The following CALD1 variants were observed in gnomAD, a reference collection of about 807,000 sequenced individuals.
The protein encoded by CALD1 is caldesmon 1.
Under a neutral mutation model 99.9 loss-of-function variants are expected in CALD1, and 33 were observed. That is an observed-to-expected ratio of 0.33 (90% CI 0.25 to 0.44). The LOEUF (loss-of-function observed/expected upper bound fraction) is 0.44, where lower values mean the gene tolerates loss of function less well. Ranked by LOEUF, CALD1 falls within the 20% of genes least tolerant of loss-of-function variation. The pLI, the probability that CALD1 is intolerant of heterozygous loss-of-function variation, is 1.00. For synonymous variants in CALD1, 310 were observed against 325.0 expected, an observed-to-expected ratio of 0.95 and a Z score of 0.50; for missense variants, 861 against 962.1, an observed-to-expected ratio of 0.89 and a Z score of 1.39.
chr7:134,950,998 A>C (rs1176565398), intron 9 of CALD1, among the ~76,000 whole-genome samples: 1 of 152,208 alleles, frequency 6.6e-6, no homozygotes, highest in Non-Finnish European at 1.5e-5. Flanking sequence ...GGAAAGTCAA[A>C]GATCAAGGTG....
intron 1 of CALD1, among the ~76,000 whole-genome samples, chr7:134,797,234 C>G (rs976938969): frequency 2.6e-5 from 4 of 152,184 alleles, no homozygotes; most frequent in Admixed American, 1.3e-4. Context: ...ATCCTCCCAC[C>G]TTGGCCTCCC....
At chr7:134,714,959 C>A in the CALD1 span, among the ~76,000 whole-genome samples, 1 of 152,180 alleles carries the variant, frequency 6.6e-6, no homozygotes, top group African/African-American at 2.4e-5. Flanking sequence ...CTGCCAGTCT[C>A]CTACCTCAAT....
intron 4 of CALD1, among the ~76,000 whole-genome samples, chr7:134,931,515 T>C (rs1215679144): frequency 1.3e-5 from 2 of 152,258 alleles, no homozygotes; most frequent in African/African-American, 4.8e-5. Flanking sequence ...GCCATTTTCA[T>C]TGTTAAATAT....
intron 7 of CALD1, 123 bp from the exon 8 acceptor site, chr7:134,947,385 G>T: frequency 1.0e-6 from 1 of 986,246 alleles, no homozygotes; most frequent in Non-Finnish European, 1.5e-6. Flanking sequence ...CCTACCCCCT[G>T]GGCTAATGAG....
At chr7:134,877,196 G>T (rs1801392308) in intron 3 of CALD1, among the ~76,000 whole-genome samples, 1 of 152,176 alleles carries the variant, frequency 6.6e-6, no homozygotes, top group African/African-American at 2.4e-5. Context: ...CCTCTCTGGG[G>T]TCACCTCAGA....
intron 6 of CALD1, among the ~76,000 whole-genome samples, chr7:134,939,143 T>G (rs1042795362): frequency 6.6e-6 from 1 of 152,184 alleles, no homozygotes; most frequent in African/African-American, 2.4e-5. Flanking sequence ...AATGAGAATA[T>G]ATTTTGTTTC....
intron 7 of CALD1, among the ~76,000 whole-genome samples, chr7:134,945,027 T>C (rs1806749597): frequency 6.6e-6 from 1 of 152,214 alleles, no homozygotes; most frequent in South Asian, 2.1e-4. Context: ...TTCATCTTTT[T>C]ATAGTTGTGT....
intron 3 of CALD1, among the ~76,000 whole-genome samples, chr7:134,883,074 T>TA (rs2132439873): frequency 6.6e-6 from 1 of 152,310 alleles, no homozygotes; most frequent in East Asian, 1.9e-4. Context: ...AAAATAAAGT[T>TA]AGTGAACTGG....
chr7:134,852,320 G>A (rs1338060690), intron 2 of CALD1, among the ~76,000 whole-genome samples: 1 of 151,786 alleles, frequency 6.6e-6, no homozygotes, highest in Admixed American at 6.6e-5. Context: ...TGAAATTATT[G>A]CAGGATTCAG....
intron 14 of CALD1, among the ~76,000 whole-genome samples, chr7:134,966,699 G>C (rs1563140979): frequency 2.0e-5 from 3 of 151,466 alleles, no homozygotes; most frequent in African/African-American, 7.3e-5. Context: ...TTTCTTTTAG[G>C]ATGCATATTC....
intron 1 of CALD1, among the ~76,000 whole-genome samples, chr7:134,833,325 G>A (rs540487084): frequency 3.4e-4 from 52 of 152,234 alleles, no homozygotes; most frequent in African/African-American, 1.2e-3. Flanking sequence ...TCTTATTAAT[G>A]TGGAAATGGG....
chr7:134,756,469 A>C (rs903288316), intron 1 of CALD1, among the ~76,000 whole-genome samples: 10 of 151,958 alleles, frequency 6.6e-5, no homozygotes, highest in African/African-American at 2.4e-4. Flanking sequence ...GGTTATCATG[A>C]TCTATTAGTG....
At chr7:134,717,374 G>A in the CALD1 span, among the ~76,000 whole-genome samples, 1 of 152,270 alleles carries the variant, frequency 6.6e-6, no homozygotes, top group East Asian at 1.9e-4. Flanking sequence ...AAGCCCAATT[G>A]GAAAAGCAGA....
chr7:134,766,757 C>T (rs779033653), intron 1 of CALD1, among the ~76,000 whole-genome samples: 13 of 152,124 alleles, frequency 8.5e-5, no homozygotes, highest in South Asian at 4.1e-4. Flanking sequence ...AGAGATAGGA[C>T]GATAGGCTAG....
chr7:134,969,752 C>T lies in CALD1; in HGVS notation c.*1407C>T, dbSNP rs1000711057. 1 of 152,252 alleles carries T rather than the reference C, an allele frequency of 6.6e-6. No individual in the cohort carries two copies. The highest frequency in any genetic ancestry group is 2.4e-5 in the African/African-American group (1 of 41,436). 9.4% of individuals were successfully genotyped at this position (152,252 alleles called of 1,614,324 possible). On this transcript the variant is annotated 3_prime_UTR_variant, in exon 15 of 15. Transcript: ENST00000361675. ...AGTCTTTTTTAACTCATGATTTTTACACACACAATCCAGAACTTATTATAT... is the reference window on the plus strand; with the variant it reads ...AGTCTTTTTTAACTCATGATTTTTATACACACAATCCAGAACTTATTATAT...
chr7:134,939,888 C>T (rs1400141093), intron 6 of CALD1, among the ~76,000 whole-genome samples: 2 of 152,004 alleles, frequency 1.3e-5, no homozygotes, highest in South Asian at 2.1e-4. Context: ...CCCTTGAACC[C>T]GGGAGGTGGA....
At chr7:134,931,469 A>G (rs1304831791) in intron 4 of CALD1, among the ~76,000 whole-genome samples, 1 of 152,234 alleles carries the variant, frequency 6.6e-6, no homozygotes, top group Non-Finnish European at 1.5e-5. Flanking sequence ...AAGCAAAAGT[A>G]AAGGCCAAGA....
At chr7:134,955,819 T>C (rs1235929701) in intron 9 of CALD1, among the ~76,000 whole-genome samples, 4 of 152,212 alleles carry the variant, frequency 2.6e-5, no homozygotes, top group African/African-American at 7.2e-5. Context: ...TTCAATTTTA[T>C]ATAGAAGGTA....
intron 2 of CALD1, among the ~76,000 whole-genome samples, chr7:134,853,989 T>G (rs1171794937): frequency 1.3e-5 from 2 of 152,130 alleles, no homozygotes; most frequent in Non-Finnish European, 2.9e-5. Context: ...TGTGTTAGTT[T>G]GCTGAGAATG....
Sources: gnomAD v4.1 joint callset for allele counts (sites outside exome capture counted in the v4.1 genomes callset) on GRCh38, gnomAD v4.1.1 for gene constraint, MANE v1.5 for transcripts, NCBI Gene and HGNC (gene_info 2026-07-23, HGNC 2026-07-21) for gene names.